Variants in RABGEF1 observed in about 807,000 individuals in gnomAD.
RABGEF1 encodes rab5 GDP/GTP exchange factor.
Under a neutral mutation model 57.3 loss-of-function variants are expected in RABGEF1, and 26 were observed. That is an observed-to-expected ratio of 0.45 (90% CI 0.33 to 0.63). The LOEUF (loss-of-function observed/expected upper bound fraction) is 0.63. Among genes scored for constraint, RABGEF1 ranks in the 20% least tolerant of loss-of-function variants. RABGEF1 has a pLI of 0.02. For missense variants in RABGEF1, 464 were observed against 607.6 expected, an observed-to-expected ratio of 0.76 and a Z score of 2.48; for synonymous variants, 185 against 210.7, an observed-to-expected ratio of 0.88 and a Z score of 1.06.
At chr7:66,655,025 C>T in the RABGEF1 span, among the ~76,000 whole-genome samples, 179 of 152,338 alleles carry the variant, frequency 1.2e-3, no homozygotes, top group African/African-American at 4.1e-3. Flanking sequence ...TGTGGTCGCG[C>T]GGGGCCCCTC....
At chr7:66,697,315 C>T (rs1792497779) in intron 1 of RABGEF1, among the ~76,000 whole-genome samples, 3 of 152,166 alleles carry the variant, frequency 2.0e-5, no homozygotes, top group South Asian at 2.1e-4. Flanking sequence ...GGGCTTGCAG[C>T]GTGGCGTCTC....
At chr7:66,791,007 T>C (rs1812529918) in intron 4 of RABGEF1, among the ~76,000 whole-genome samples, 2 of 152,228 alleles carry the variant, frequency 1.3e-5, no homozygotes, top group African/African-American at 4.8e-5. Flanking sequence ...ACTTGTAACA[T>C]GGGAGTTACT....
chr7:66,713,268 A>G (rs1348643264), intron 2 of RABGEF1, among the ~76,000 whole-genome samples: 1 of 151,194 alleles, frequency 6.6e-6, no homozygotes, highest in East Asian at 1.9e-4. Context: ...CAGCCTCCCG[A>G]GTAGGTGGGA....
Position 66,744,380 on chromosome 7 carries a change from A to T in RABGEF1, c.-18+3588A>T, listed in dbSNP as rs547158329. 2.4e-4 allele frequency among the ~76,000 whole-genome samples: 37 copies of T among 152,034 alleles called. 1 individual carries two copies. The South Asian group carries it at 6.8e-3, about 28-fold the overall frequency. On this transcript the variant is annotated intron_variant, in intron 1 of 8. Transcript: ENST00000284957. ...AGACTGCATCTCTACAAAAAAAAAA[A>T]AAAGATAGCCGGGCGCAGTGGCTCA...
At chr7:66,674,300 C>T in the RABGEF1 span, among the ~76,000 whole-genome samples, 2 of 151,808 alleles carry the variant, frequency 1.3e-5, no homozygotes, top group African/African-American at 4.8e-5. Context: ...AGCAGTTCCC[C>T]TGCCTCAGCC....
the RABGEF1 span, among the ~76,000 whole-genome samples, chr7:66,658,546 A>G: frequency 1.2e-4 from 18 of 152,030 alleles, no homozygotes; most frequent in East Asian, 1.7e-3. Context: ...AAAAAAAAAA[A>G]AAAAAGAAAA....
chr7:66,753,469 A>G (rs2707835), intron 1 of RABGEF1, among the ~76,000 whole-genome samples: 1 of 152,156 alleles, frequency 6.6e-6, no homozygotes, highest in Non-Finnish European at 1.5e-5. Flanking sequence ...CTTTGGAGAT[A>G]TTACGGGTTT....
intron 1 of RABGEF1, among the ~76,000 whole-genome samples, chr7:66,706,795 T>G (rs1318226354): frequency 2.9e-4 from 44 of 149,506 alleles, no homozygotes; most frequent in African/African-American, 1.0e-3. Context: ...TTTTTTTTTT[T>G]TTTTGAGAGG....
At chr7:66,785,658 A>G (rs557322870) in intron 4 of RABGEF1, among the ~76,000 whole-genome samples, 143 of 152,276 alleles carry the variant, frequency 9.4e-4, no homozygotes, top group South Asian at 7.2e-3. Context: ...GCGGATCACA[A>G]GGTCAGGAGA....
chr7:66,795,419 C>G (rs1813788638), intron 4 of RABGEF1, 92 bp from the exon 5 acceptor site: 2 of 1,066,464 alleles, frequency 1.9e-6, no homozygotes, highest in African/African-American at 3.1e-5. Flanking sequence ...ACTACCAGTA[C>G]AAGGAATGGC....
intron 1 of RABGEF1, among the ~76,000 whole-genome samples, chr7:66,689,200 C>T (rs58669678): frequency 0.041 from 6,158 of 151,176 alleles, 420 homozygotes; most frequent in African/African-American, 0.14. Context: ...TAGCAGAATA[C>T]GGGAAACAAA....
At chr7:66,661,506 A>G in the RABGEF1 span, among the ~76,000 whole-genome samples, 24 of 151,702 alleles carry the variant, frequency 1.6e-4, no homozygotes, top group Admixed American at 5.9e-4. Flanking sequence ...TCCCAGCTGT[A>G]ATCCCAGCAC....
chr7:66,723,793 T>C (rs1796306027), intron 2 of RABGEF1, among the ~76,000 whole-genome samples: 1 of 133,954 alleles, frequency 7.5e-6, no homozygotes, highest in Non-Finnish European at 1.7e-5. Flanking sequence ...TTGGTCAGGC[T>C]GGTCTCGAAC....
chr7:66,760,436 G>C (rs1803995386), intron 1 of RABGEF1, among the ~76,000 whole-genome samples: 1 of 148,304 alleles, frequency 6.7e-6, no homozygotes, highest in South Asian at 2.1e-4. Context: ...AAGTTGGTTA[G>C]CATGTATTTT....
At chr7:66,781,167 T>C (rs1354256392) in intron 3 of RABGEF1, among the ~76,000 whole-genome samples, 3 of 152,132 alleles carry the variant, frequency 2.0e-5, no homozygotes, top group Non-Finnish European at 4.4e-5. Flanking sequence ...TATCAGCTTG[T>C]TAGCTATACC....
chr7:66,682,881 G>T (rs12531690), intron 1 of RABGEF1, among the ~76,000 whole-genome samples: 2 of 152,268 alleles, frequency 1.3e-5, no homozygotes, highest in Non-Finnish European at 2.9e-5. Flanking sequence ...AGGAGAGCCG[G>T]GGGATGCCCA....
rs542678911 is a variant in RABGEF1 at position 66,796,738 on chromosome 7, G to A, written c.596-636G>A. 4 of 315,118 alleles carry A rather than the reference G, an allele frequency of 1.3e-5. No homozygotes were observed. The East Asian group carries it at 3.6e-4, about 29-fold the overall frequency. 19.5% of individuals were successfully genotyped at this position (315,118 alleles called of 1,614,324 possible). ...CCCGAGTGGCTGGGATTACAGGTGC[G>A]TGCCACCACACCCAGCTAATTTTTG... is the stretch of plus-strand genomic sequence containing the variant. On this transcript the variant is annotated intron_variant, in intron 5 of 8. Transcript: ENST00000284957.
intron 1 of RABGEF1, among the ~76,000 whole-genome samples, chr7:66,709,192 A>T (rs372329768): frequency 5.3e-4 from 81 of 152,166 alleles, no homozygotes; most frequent in African/African-American, 1.8e-3. Context: ...TATTTTTAGT[A>T]GAAATGGAGT....
chr7:66,784,780 T>C (rs1195451424), intron 4 of RABGEF1, among the ~76,000 whole-genome samples: 1 of 152,156 alleles, frequency 6.6e-6, no homozygotes, highest in Non-Finnish European at 1.5e-5. Context: ...ACTGTGTAAG[T>C]AAGTAGCTGT....
Sources: gnomAD v4.1 joint callset for allele counts (sites outside exome capture counted in the v4.1 genomes callset) on GRCh38, gnomAD v4.1.1 for gene constraint, MANE v1.5 for transcripts, NCBI Gene and HGNC (gene_info 2026-07-23, HGNC 2026-07-21) for gene names.